Variants in NRXN1 observed in about 807,000 individuals in gnomAD.
The protein encoded by NRXN1 is neurexin 1, also known as neurexin-1.
In NRXN1, 39 loss-of-function variants were observed where a neutral mutation model predicts 150.9. The observed-to-expected ratio is 0.26, with a 90% confidence interval of 0.20 to 0.34. The LOEUF (loss-of-function observed/expected upper bound fraction) is 0.34, where lower values mean the gene tolerates loss of function less well. Ranked by LOEUF, NRXN1 falls within the 10% of genes least tolerant of loss-of-function variation. The pLI is 1.00. For synonymous variants in NRXN1, 924 were observed against 757.0 expected (o/e 1.22, Z -3.62); for missense variants, 1,815 against 1,949.9 (o/e 0.93, Z 1.30).
chr2:50,157,276 A>G (rs1247132852), intron 18 of NRXN1, among the ~76,000 whole-genome samples: 1 of 152,020 alleles, frequency 6.6e-6, no homozygotes, highest in African/African-American at 2.4e-5. Context: ...CTTCTCTCTA[A>G]GAGTAGTTGG....
intron 18 of NRXN1, among the ~76,000 whole-genome samples, chr2:50,124,911 G>C (rs1704353735): frequency 6.6e-6 from 1 of 151,922 alleles, no homozygotes; most frequent in Admixed American, 6.6e-5. Flanking sequence ...GCCCCTTTGA[G>C]TTTATAAATA....
intron 22 of NRXN1, among the ~76,000 whole-genome samples, chr2:49,930,085 C>T (rs1040157018): frequency 2.0e-5 from 3 of 152,028 alleles, no homozygotes; most frequent in African/African-American, 4.8e-5. Context: ...AAAAACATGT[C>T]GAATGACCTT....
At chr2:50,942,170 A>G (rs1294738719) in intron 2 of NRXN1, among the ~76,000 whole-genome samples, 2 of 152,220 alleles carry the variant, frequency 1.3e-5, no homozygotes, top group African/African-American at 4.8e-5. Flanking sequence ...GCAGGTGCAT[A>G]GAAGACAAGA....
At chr2:50,611,478 A>C (rs1192040727) in intron 8 of NRXN1, among the ~76,000 whole-genome samples, 1 of 152,100 alleles carries the variant, frequency 6.6e-6, no homozygotes, top group Non-Finnish European at 1.5e-5. Context: ...GCTGGGTTCC[A>C]TTTCCTTGGG....
chr2:50,194,463 C>A (rs760517128), intron 18 of NRXN1, among the ~76,000 whole-genome samples: 1 of 152,120 alleles, frequency 6.6e-6, no homozygotes, highest in Non-Finnish European at 1.5e-5. Flanking sequence ...TGCCAATTTG[C>A]TTTGAATTAT....
intron 5 of NRXN1, among the ~76,000 whole-genome samples, chr2:50,813,424 T>C (rs899264836): frequency 1.3e-5 from 2 of 152,166 alleles, no homozygotes; most frequent in Non-Finnish European, 2.9e-5. Context: ...TTTGGTTTTA[T>C]TAGTAATGTA....
intron 8 of NRXN1, among the ~76,000 whole-genome samples, chr2:50,588,051 T>C (rs1673463122): frequency 1.3e-5 from 2 of 152,226 alleles, no homozygotes; most frequent in African/African-American, 4.8e-5. Context: ...AAATGCTTGC[T>C]AGCAAACTGA....
intron 17 of NRXN1, among the ~76,000 whole-genome samples, chr2:50,302,212 C>T (rs1219976188): frequency 4.0e-5 from 6 of 151,888 alleles, no homozygotes; most frequent in Non-Finnish European, 8.8e-5. Context: ...TTTCTTCTTT[C>T]CCCAAGTATC....
intron 19 of NRXN1, among the ~76,000 whole-genome samples, chr2:50,058,464 T>G (rs1016563995): frequency 6.6e-6 from 1 of 152,236 alleles, no homozygotes; most frequent in African/African-American, 2.4e-5. Context: ...GGGTAATGAA[T>G]GGAAAATCAG....
intron 22 of NRXN1, among the ~76,000 whole-genome samples, chr2:49,942,747 T>G (rs1171136814): frequency 6.6e-6 from 1 of 152,068 alleles, no homozygotes; most frequent in East Asian, 1.9e-4. Context: ...GTAGCTGGGA[T>G]TACAGGTGCA....
At chr2:50,925,898 G>A in intron 3 of NRXN1, 40 bp downstream of exon 3, 1 of 1,513,676 alleles carries the variant, frequency 6.6e-7, no homozygotes, top group Non-Finnish European at 9.0e-7. Flanking sequence ...AGAAATAAAG[G>A]ACAAATGAGA....
chr2:50,673,194 T>C (rs1297531052), intron 5 of NRXN1, among the ~76,000 whole-genome samples: 1 of 152,098 alleles, frequency 6.6e-6, no homozygotes, highest in Non-Finnish European at 1.5e-5. Context: ...TGTAAAAATG[T>C]ATTTCTATTT....
chr2:50,472,334 G>C lies in NRXN1; in HGVS notation c.3208C>G (p.Leu1070Val). The C allele has an allele frequency of 1.2e-6, 2 of 1,611,124 alleles. No individual in the cohort carries two copies. The highest frequency in any genetic ancestry group is 1.7e-6 in the Non-Finnish European group (2 of 1,178,366). Residue 1070 changes from leucine to valine, a missense_variant, in exon 16 of 23, where the codon CTT becomes GTT. Around this residue, in one of 6 missense-constraint regions of NRXN1, gnomAD observed 339 missense variants for 440.3 expected, o/e 0.77. Coordinates refer to ENST00000401669, the MANE Select transcript of NRXN1 (RefSeq NM_001330078.2). The stretch of plus-strand genomic sequence containing the variant: ...CTCTCGATCTGTCCGTTGCAGAAAA[G>C]AGCATCGGAGATGAGGTCCGGAAGC... ...GRLPDLISDALFCNGQIERGC... is the reference protein window; with the variant it reads ...GRLPDLISDAVFCNGQIERGC...
chr2:50,414,665 C>T (rs985602961), intron 17 of NRXN1, among the ~76,000 whole-genome samples: 3 of 151,398 alleles, frequency 2.0e-5, no homozygotes, highest in Non-Finnish European at 2.9e-5. Context: ...GTAGTAAGTC[C>T]CTCGGAAAAT....
chr2:50,550,395 T>C (rs1276235446), intron 9 of NRXN1, among the ~76,000 whole-genome samples: 3 of 152,124 alleles, frequency 2.0e-5, no homozygotes, highest in African/African-American at 2.4e-5. Flanking sequence ...TAAAGTGCTA[T>C]AAAATCTGAC....
chr2:50,848,320 C>G (rs1207011896), intron 5 of NRXN1, among the ~76,000 whole-genome samples: 1 of 152,142 alleles, frequency 6.6e-6, no homozygotes, highest in Non-Finnish European at 1.5e-5. Flanking sequence ...CAACAAAGCT[C>G]CAAGTTGCTG....
chr2:50,411,893 A>G (rs1489308088), intron 17 of NRXN1, among the ~76,000 whole-genome samples: 2 of 152,238 alleles, frequency 1.3e-5, no homozygotes, highest in African/African-American at 4.8e-5. Context: ...TGTGGGGAAA[A>G]GAAAGAGAGA....
intron 17 of NRXN1, among the ~76,000 whole-genome samples, chr2:50,340,953 C>A (rs528537453): frequency 6.6e-6 from 1 of 152,274 alleles, no homozygotes; most frequent in East Asian, 1.9e-4. Flanking sequence ...TTGCTCTATT[C>A]TCTTCTCAAA....
At chr2:50,954,402 C>T (rs561215774) in intron 2 of NRXN1, among the ~76,000 whole-genome samples, 15 of 152,250 alleles carry the variant, frequency 9.9e-5, no homozygotes, top group Non-Finnish European at 1.8e-4. Context: ...CATTGCAGAG[C>T]TTAAAGAGTA....
Sources: allele counts gnomAD v4.1 joint callset (sites outside exome capture counted in the v4.1 genomes callset), GRCh38; gene constraint gnomAD v4.1.1; regional missense constraint gnomAD v4.1.1; transcripts MANE v1.5; gene names NCBI Gene and HGNC (gene_info 2026-07-23, HGNC 2026-07-21).